IGSF21: variants seen among roughly 807,000 people sequenced by gnomAD.
IGSF21 encodes immunoglobin superfamily member 21, also known as immunoglobulin superfamily member 21.
IGSF21 carries 28 observed loss-of-function variants against 46.8 expected under a neutral mutation model. That is an observed-to-expected ratio of 0.60 (90% CI 0.44 to 0.82). The LOEUF is 0.82. IGSF21 is among the 40% of genes least tolerant of loss of function. IGSF21 has a pLI of 0.00. For synonymous variants in IGSF21, 284 were observed against 273.6 expected (o/e 1.04, Z -0.38); for missense variants, 624 against 665.5 (o/e 0.94, Z 0.69).
intron 1 of IGSF21, among the ~76,000 whole-genome samples, chr1:18,202,242 G>A (rs1294728333): frequency 6.6e-6 from 1 of 152,112 alleles, no homozygotes; most frequent in Admixed American, 6.5e-5. Context: ...ATTCAAAGTC[G>A]ATGAGCAATG....
chr1:18,149,907 T>C (rs2086506257), intron 1 of IGSF21, among the ~76,000 whole-genome samples: 1 of 152,192 alleles, frequency 6.6e-6, no homozygotes, highest in Admixed American at 6.5e-5. Flanking sequence ...AGTTTCACCA[T>C]ACGCTAATTA....
rs2086186697 is a variant in IGSF21, at chr1:18,368,188, T to G, written c.1015+2491T>G. On this transcript the variant is annotated intron_variant, in intron 6 of 9. Coordinates refer to ENST00000251296, the MANE Select transcript of IGSF21 (RefSeq NM_032880.5). ...TCACAGGTGCCCACTTCCTGGGTAC[T>G]CTTTGTTCATCATTCCATAAAGATA... Among the ~76,000 whole-genome samples the G allele has an allele frequency of 2.0e-5, 3 of 152,108 alleles. No individual in the cohort carries two copies. In the South Asian group the frequency reaches 6.2e-4, roughly 32 times the overall value.
At chr1:18,318,881 T>C (rs2085571356) in intron 3 of IGSF21, among the ~76,000 whole-genome samples, 2 of 152,224 alleles carry the variant, frequency 1.3e-5, no homozygotes, top group South Asian at 2.1e-4. Flanking sequence ...AAGCTGAAGA[T>C]GTGGCTTTTA....
At chr1:18,312,892 G>C (rs896580966) in intron 3 of IGSF21, among the ~76,000 whole-genome samples, 1 of 152,238 alleles carries the variant, frequency 6.6e-6, no homozygotes, top group Non-Finnish European at 1.5e-5. Flanking sequence ...CCATGTCCAA[G>C]TTTGCTTCCT....
chr1:18,125,653 T>G lies in IGSF21; in HGVS notation c.70+17455T>G, dbSNP rs1017127594. Among the ~76,000 whole-genome samples the G allele has an allele frequency of 1.6e-4, 25 of 152,240 alleles. 1 individual carries two copies. The highest frequency in any genetic ancestry group is 1.2e-3 in the Admixed American group (19 of 15,280). ...GACCCCTGCTATGTTCCAGATAGTG[T>G]GCTGGGCACTGGCGATACAGTGGTG... On this transcript the variant is annotated intron_variant, in intron 1 of 9. Transcript: ENST00000251296.
At chr1:18,284,594 C>A (rs894590757) in intron 2 of IGSF21, among the ~76,000 whole-genome samples, 1 of 152,184 alleles carries the variant, frequency 6.6e-6, no homozygotes, top group Non-Finnish European at 1.5e-5. Context: ...ATATCCCTCG[C>A]GTTACAGATG....
chr1:18,344,753 C>T (rs1443275634), intron 4 of IGSF21, among the ~76,000 whole-genome samples: 1 of 152,182 alleles, frequency 6.6e-6, no homozygotes, highest in Non-Finnish European at 1.5e-5. Flanking sequence ...GATTCAGAGC[C>T]TCAGCTACCT....
At chr1:18,123,476 A>G (rs2086251869) in intron 1 of IGSF21, among the ~76,000 whole-genome samples, 1 of 152,198 alleles carries the variant, frequency 6.6e-6, no homozygotes, top group Admixed American at 6.5e-5. Context: ...TCCTCAAGGA[A>G]TTCATAGTCT....
chr1:18,260,937 G>T (rs1344231116), intron 2 of IGSF21, among the ~76,000 whole-genome samples: 1 of 152,234 alleles, frequency 6.6e-6, no homozygotes, highest in East Asian at 1.9e-4. Context: ...TACCTGAGGG[G>T]AGGTATGCAG....
chr1:18,133,413 G>A (rs556091807), intron 1 of IGSF21, among the ~76,000 whole-genome samples: 1 of 152,374 alleles, frequency 6.6e-6, no homozygotes, highest in Admixed American at 6.5e-5. Context: ...CAGCCGCTGT[G>A]TGGCCCTGGA....
intron 1 of IGSF21, among the ~76,000 whole-genome samples, chr1:18,122,691 G>A (rs1316643916): frequency 4.6e-5 from 7 of 151,114 alleles, no homozygotes; most frequent in Admixed American, 4.6e-4. Flanking sequence ...CACGGTCTCG[G>A]CTCACTACAA....
At chr1:18,190,528 G>T (rs946127714) in intron 1 of IGSF21, among the ~76,000 whole-genome samples, 2 of 152,174 alleles carry the variant, frequency 1.3e-5, no homozygotes, top group Non-Finnish European at 2.9e-5. Context: ...AAGTCACAGA[G>T]AAGGGATTCT....
intron 4 of IGSF21, among the ~76,000 whole-genome samples, chr1:18,360,806 C>T (rs1194593617): frequency 6.6e-6 from 1 of 152,160 alleles, no homozygotes; most frequent in Non-Finnish European, 1.5e-5. Context: ...CTAGTTTTGT[C>T]CTGCAAAAAT....
chr1:18,302,386 G>T (rs1477420988), intron 3 of IGSF21, among the ~76,000 whole-genome samples: 3 of 152,108 alleles, frequency 2.0e-5, no homozygotes, highest in Admixed American at 6.5e-5. Flanking sequence ...CTTCTCCATG[G>T]CTCCTACCTC....
chr1:18,333,747 A>G (rs2085737821), intron 3 of IGSF21, among the ~76,000 whole-genome samples: 2 of 152,178 alleles, frequency 1.3e-5, no homozygotes, highest in African/African-American at 2.4e-5. Flanking sequence ...ATACCAACTC[A>G]TTTTCACATG....
At chr1:18,257,215 C>T (rs898913079) in intron 2 of IGSF21, among the ~76,000 whole-genome samples, 13 of 152,188 alleles carry the variant, frequency 8.5e-5, no homozygotes, top group African/African-American at 3.1e-4. Context: ...TTCATCTCCA[C>T]ATTCCTTTTG....
chr1:18,355,015 T>A (rs948239644), intron 4 of IGSF21, among the ~76,000 whole-genome samples: 1 of 152,208 alleles, frequency 6.6e-6, no homozygotes, highest in Non-Finnish European at 1.5e-5. Context: ...TTGAACTCAT[T>A]TGATAGATGG....
intron 2 of IGSF21, among the ~76,000 whole-genome samples, chr1:18,284,812 T>C (rs2085196930): frequency 6.6e-6 from 1 of 152,202 alleles, no homozygotes; most frequent in Admixed American, 6.5e-5. Flanking sequence ...TGGGCTGGGA[T>C]TGGAAGCTGT....
chr1:18,255,269 G>A (rs2084880400), intron 2 of IGSF21, among the ~76,000 whole-genome samples: 1 of 152,198 alleles, frequency 6.6e-6, no homozygotes, highest in Non-Finnish European at 1.5e-5. Context: ...CTGGGTACCT[G>A]CTCATTACTC....
Sources: allele counts gnomAD v4.1 joint callset (sites outside exome capture counted in the v4.1 genomes callset), GRCh38; gene constraint gnomAD v4.1.1; transcripts MANE v1.5; gene names NCBI Gene and HGNC (gene_info 2026-07-23, HGNC 2026-07-21).